Variants in GPC6 observed in about 807,000 individuals in gnomAD.
The protein encoded by GPC6 is glypican 6, also known as glypican-6.
In GPC6, 14 loss-of-function variants were observed where a neutral mutation model predicts 55.2. That is an observed-to-expected ratio of 0.25 (90% CI 0.17 to 0.40). The LOEUF is 0.40. Ranked by LOEUF, GPC6 falls within the 10% of genes least tolerant of loss-of-function variation. GPC6 has a pLI of 1.00. For synonymous variants in GPC6, 278 were observed against 259.6 expected, an observed-to-expected ratio of 1.07 and a Z score of -0.68; for missense variants, 641 against 708.5, an observed-to-expected ratio of 0.90 and a Z score of 1.08.
At chr13:93,582,663 G>A (rs949072200) in intron 2 of GPC6, among the ~76,000 whole-genome samples, 7 of 152,144 alleles carry the variant, frequency 4.6e-5, no homozygotes, top group South Asian at 2.1e-4. Context: ...CTTGGTACTT[G>A]GGGATGGATT....
chr13:93,439,513 C>G (rs1433316244), intron 1 of GPC6, among the ~76,000 whole-genome samples: 1 of 151,946 alleles, frequency 6.6e-6, no homozygotes, highest in Non-Finnish European at 1.5e-5. Context: ...GCCTTCCCAG[C>G]TATGTCGAAC....
chr13:93,443,314 G>A (rs1391047963), intron 1 of GPC6, among the ~76,000 whole-genome samples: 1 of 152,050 alleles, frequency 6.6e-6, no homozygotes, highest in Non-Finnish European at 1.5e-5. Context: ...TTTTTTTCTG[G>A]TCTTTGCTAA....
chr13:94,156,496 C>A (rs970649394), intron 4 of GPC6, among the ~76,000 whole-genome samples: 2 of 152,106 alleles, frequency 1.3e-5, no homozygotes, highest in African/African-American at 4.8e-5. Context: ...AGAGTGAGAA[C>A]AATTGTGATG....
chr13:93,663,095 CA>C (rs35257700), intron 2 of GPC6, among the ~76,000 whole-genome samples: 38,992 of 111,136 alleles, frequency 0.35, 5,016 homozygotes, highest in Admixed American at 0.43. Flanking sequence ...TGACTGGTTG[CA>C]AAAAAAAAAA....
chr13:94,259,728 TA>T (rs929922166), intron 4 of GPC6, among the ~76,000 whole-genome samples: 2 of 152,216 alleles, frequency 1.3e-5, no homozygotes, highest in African/African-American at 4.8e-5. Flanking sequence ...CTGCCTATTC[TA>T]ATTACCTCAC....
At chr13:93,831,241 T>C (rs1385854740) in intron 3 of GPC6, among the ~76,000 whole-genome samples, 1 of 152,218 alleles carries the variant, frequency 6.6e-6, no homozygotes, top group Non-Finnish European at 1.5e-5. Context: ...AACATCTCTA[T>C]ACCTTGGATA....
intron 1 of GPC6, among the ~76,000 whole-genome samples, chr13:93,434,225 T>G (rs946169946): frequency 1.3e-5 from 2 of 152,096 alleles, no homozygotes; most frequent in East Asian, 3.9e-4. Context: ...ACAGAACAGA[T>G]CAATAGAAAT....
At chr13:93,232,598 T>C (rs912996439) in intron 1 of GPC6, among the ~76,000 whole-genome samples, 1 of 152,186 alleles carries the variant, frequency 6.6e-6, no homozygotes, top group African/African-American at 2.4e-5. Flanking sequence ...CTGCATTGTA[T>C]CTTAATAATA....
intron 4 of GPC6, 71 bp downstream of exon 4, chr13:94,027,965 G>A: frequency 7.3e-7 from 1 of 1,376,952 alleles, no homozygotes; most frequent in Non-Finnish European, 1.0e-6. Context: ...CTTGATGGGT[G>A]GGTCAGAAGT....
chr13:93,782,838 T>C (rs1183170654), intron 2 of GPC6, among the ~76,000 whole-genome samples: 1 of 152,096 alleles, frequency 6.6e-6, no homozygotes, highest in East Asian at 1.9e-4. Context: ...TGGGTAATAT[T>C]TATTTATTAT....
At chr13:93,919,444 G>C (rs1410496576) in intron 3 of GPC6, among the ~76,000 whole-genome samples, 2 of 152,054 alleles carry the variant, frequency 1.3e-5, no homozygotes, top group Non-Finnish European at 2.9e-5. Flanking sequence ...CACTAATGTG[G>C]GTCTTACCAC....
chr13:93,841,875 G>A (rs867502131), intron 3 of GPC6, among the ~76,000 whole-genome samples: 2 of 152,054 alleles, frequency 1.3e-5, no homozygotes, highest in Non-Finnish European at 2.9e-5. Context: ...TGTTAATTTT[G>A]TATAGAATTT....
intron 2 of GPC6, among the ~76,000 whole-genome samples, chr13:93,693,637 C>T (rs377608019): frequency 4.3e-4 from 66 of 152,140 alleles, no homozygotes; most frequent in African/African-American, 1.5e-3. Context: ...CACTACTATG[C>T]CTGGCTAATT....
intron 3 of GPC6, among the ~76,000 whole-genome samples, chr13:93,885,363 G>A (rs2140313088): frequency 6.7e-6 from 1 of 149,868 alleles, no homozygotes; most frequent in Non-Finnish European, 1.5e-5. Flanking sequence ...GTCAGGTCTG[G>A]AAACTGAGCA....
At chr13:93,446,587 T>C (rs1230844401) in intron 1 of GPC6, among the ~76,000 whole-genome samples, 1 of 152,146 alleles carries the variant, frequency 6.6e-6, no homozygotes, top group Non-Finnish European at 1.5e-5. Context: ...TAATTAGACA[T>C]AGCATGATGA....
chr13:93,377,322 T>G (rs1384478863), intron 1 of GPC6, among the ~76,000 whole-genome samples: 20 of 152,186 alleles, frequency 1.3e-4, no homozygotes, highest in Admixed American at 1.3e-3. Flanking sequence ...AAAGAGGTTA[T>G]GAAGCTCTAC....
chr13:93,236,358 C>G (rs2139008978), intron 1 of GPC6, among the ~76,000 whole-genome samples: 1 of 152,130 alleles, frequency 6.6e-6, no homozygotes, highest in Middle Eastern at 3.4e-3. Context: ...AACCCAAGAG[C>G]AAATTTTTCA....
rs781181181 is a variant in GPC6 at position 93,285,634 on chromosome 13, G to GTGTGTGTGTGTGTA, written c.160+58031_160+58032insATGTGTGTGTGTGT. Among the ~76,000 whole-genome samples, 2,962 of 146,974 alleles carry GTGTGTGTGTGTGTA rather than the reference G, an allele frequency of 0.02. 163 individuals carry two copies. The East Asian group carries it at 0.22, about 11-fold the overall frequency. On this transcript the variant is annotated intron_variant, in intron 1 of 8. Transcript: ENST00000377047. Reference sequence around the variant, plus strand: ...TATACTGCTGTGTGTGTGTGTGTGTGTGTGTGTGTGTGTGTGTGTGTGTGT... The same window carrying GTGTGTGTGTGTGTA: ...TATACTGCTGTGTGTGTGTGTGTGTGTGTGTGTGTGTGTATGTGTGTGTGTGTGTGTGTGTGTGT...
rs534762886 is a variant in GPC6 at position 94,146,299 on chromosome 13, A to T, written c.877+118405A>T. On this transcript the variant is annotated intron_variant, in intron 4 of 8. Transcript: ENST00000377047. ...ACACCCACCAACCACTATATTAAAA[A>T]TAGAAAATAAAAGAAAAAAAAACAA... Among the ~76,000 whole-genome samples, 20 of 152,240 alleles carry T rather than the reference A, an allele frequency of 1.3e-4. No homozygotes were observed. In the East Asian group the frequency reaches 3.3e-3, roughly 25 times the overall value.
Sources: allele counts gnomAD v4.1 joint callset (sites outside exome capture counted in the v4.1 genomes callset), GRCh38; gene constraint gnomAD v4.1.1; transcripts MANE v1.5; gene names NCBI Gene and HGNC (gene_info 2026-07-23, HGNC 2026-07-21).